Variants in DPP6 observed in about 807,000 individuals in gnomAD.
DPP6 encodes dipeptidyl peptidase like 6, also known as A-type potassium channel modulatory protein DPP6.
Under a neutral mutation model 122.6 loss-of-function variants are expected in DPP6, and 69 were observed. That is an observed-to-expected ratio of 0.56 (90% CI 0.46 to 0.69). DPP6 has a LOEUF of 0.69. Among genes scored for constraint, DPP6 ranks in the 30% least tolerant of loss-of-function variants. The probability of loss-of-function intolerance (pLI) is 0.00; values close to 1 mark genes in which losing one functional copy is unlikely to be tolerated. For synonymous variants in DPP6, 418 were observed against 433.1 expected (o/e 0.97, Z 0.43); for missense variants, 928 against 1,116.9 (o/e 0.83, Z 2.41).
chr7:154,272,304 A>T (rs186756444), intron 1 of DPP6, among the ~76,000 whole-genome samples: 2 of 152,216 alleles, frequency 1.3e-5, no homozygotes, highest in Admixed American at 1.3e-4. Flanking sequence ...CACTTAGTAC[A>T]TTACCTCAGA....
At chr7:154,225,137 G>A (rs1315834194) in intron 1 of DPP6, among the ~76,000 whole-genome samples, 2 of 152,042 alleles carry the variant, frequency 1.3e-5, no homozygotes, top group Non-Finnish European at 2.9e-5. Flanking sequence ...GTGAGACTCT[G>A]TCTCAAAATA....
intron 5 of DPP6, among the ~76,000 whole-genome samples, chr7:154,619,369 G>GT: frequency 6.6e-6 from 1 of 152,276 alleles, no homozygotes; most frequent in South Asian, 2.1e-4. Flanking sequence ...CATGTTAATG[G>GT]TATCTAGGTT....
chr7:154,060,598 C>T lies in DPP6; in HGVS notation c.243+7535C>T, dbSNP rs1163344131. ...TACGTGGGATTACTGAGAGCCAGTC[C>T]CTCTTCCCCCCCCTGGCTCTGAGGA... On this transcript the variant is annotated intron_variant, in intron 1 of 25. Coordinates refer to ENST00000377770, the MANE Select transcript of DPP6 (RefSeq NM_130797.4). Among the ~76,000 whole-genome samples the T allele has an allele frequency of 3.6e-3, 469 of 129,478 alleles. 3 individuals are homozygous for T. Among genetic ancestry groups the T allele is most frequent in the East Asian group, 6.8e-3 (29 of 4,270 alleles). The allele number at this position is 129,478 out of a possible 152,430, so 84.9% of individuals were successfully genotyped here. A position where few individuals can be genotyped will look rare whatever the true frequency, so the allele number is the denominator to read the frequency against.
chr7:154,469,237 G>A (rs1822051699), intron 2 of DPP6, among the ~76,000 whole-genome samples: 1 of 152,162 alleles, frequency 6.6e-6, no homozygotes, highest in South Asian at 2.1e-4. Context: ...GGTACTGACT[G>A]TACATTTTCT....
At chr7:154,274,989 C>T (rs115617228) in intron 1 of DPP6, among the ~76,000 whole-genome samples, 1 of 152,390 alleles carries the variant, frequency 6.6e-6, no homozygotes, top group African/African-American at 2.4e-5. Context: ...GGCACAGGCT[C>T]TGCCCCCATG....
chr7:154,328,448 T>G (rs1459221735), intron 1 of DPP6, among the ~76,000 whole-genome samples: 3 of 152,172 alleles, frequency 2.0e-5, no homozygotes, highest in African/African-American at 7.2e-5. Context: ...TTATGGATGA[T>G]GTTCATGTAA....
At chr7:154,035,243 G>A (rs984488513) in intron 1 of DPP6, among the ~76,000 whole-genome samples, 2 of 152,180 alleles carry the variant, frequency 1.3e-5, no homozygotes, top group African/African-American at 4.8e-5. Flanking sequence ...AGGGCGTGAA[G>A]GCTCCGTTCG....
chr7:154,842,643 G>A (rs1277355814), intron 16 of DPP6, among the ~76,000 whole-genome samples: 1 of 152,046 alleles, frequency 6.6e-6, no homozygotes, highest in Non-Finnish European at 1.5e-5. Flanking sequence ...GACCTTATAT[G>A]TGGGTTGTGA....
chr7:154,504,031 G>GT, intron 3 of DPP6, among the ~76,000 whole-genome samples: 1 of 152,208 alleles, frequency 6.6e-6, no homozygotes, highest in Admixed American at 6.5e-5. Context: ...TTAGCTGAAT[G>GT]ATCCCTGCTT....
rs1034149673 is a variant in DPP6 at position 154,210,404 on chromosome 7, T to C, written c.243+157341T>C. ...TGAACTCTGGGGCCAGGCTGCAGAA[T>C]TGAGTGCCAGCTTTTCTTCTTACTA... On this transcript the variant is annotated intron_variant, in intron 1 of 25. Transcript: ENST00000377770. 5.9e-5 allele frequency among the ~76,000 whole-genome samples: 9 copies of C among 152,302 alleles called. No homozygotes were observed. The South Asian group carries it at 6.2e-4, about 11-fold the overall frequency.
intron 1 of DPP6, among the ~76,000 whole-genome samples, chr7:154,268,832 C>G (rs1166614899): frequency 6.6e-6 from 1 of 151,708 alleles, no homozygotes; most frequent in Non-Finnish European, 1.5e-5. Context: ...GATTTTTAAT[C>G]TCACAAAACT....
chr7:153,978,824 T>C (rs889898501), intron 1 of DPP6, among the ~76,000 whole-genome samples: 1 of 152,110 alleles, frequency 6.6e-6, no homozygotes, highest in Non-Finnish European at 1.5e-5. Context: ...CCATTGCTTG[T>C]TTTTGTTAGG....
the DPP6 span, among the ~76,000 whole-genome samples, chr7:153,808,443 G>A: frequency 8.7e-5 from 13 of 150,276 alleles, no homozygotes; most frequent in African/African-American, 2.7e-4. Flanking sequence ...GTGTGTGTGC[G>A]TGTGTGTGTG....
the DPP6 span, among the ~76,000 whole-genome samples, chr7:153,833,315 T>C: frequency 1.2e-4 from 18 of 152,198 alleles, no homozygotes; most frequent in Non-Finnish European, 5.9e-5. Flanking sequence ...CGTAATCCTC[T>C]TTTTGTATAG....
At chr7:153,991,338 G>A (rs1563081280) in intron 1 of DPP6, among the ~76,000 whole-genome samples, 1 of 152,050 alleles carries the variant, frequency 6.6e-6, no homozygotes, top group Non-Finnish European at 1.5e-5. Context: ...AAGAAAAATA[G>A]GGAAGAAACC....
At chr7:154,610,439 A>G (rs1780947309) in intron 5 of DPP6, among the ~76,000 whole-genome samples, 1 of 152,196 alleles carries the variant, frequency 6.6e-6, no homozygotes, top group Admixed American at 6.5e-5. Context: ...AAGCAAGGAG[A>G]GAGCAGAGAA....
intron 1 of DPP6, among the ~76,000 whole-genome samples, chr7:154,023,318 G>GCACGCACGCACACACACACACACACA (rs373378162): frequency 1.5e-5 from 2 of 129,528 alleles, no homozygotes; most frequent in African/African-American, 6.4e-5. Context: ...TTTCTTGTCT[G>GCACGCACGCACACACACACACACACA]CACACACACA....
At chr7:154,396,901 C>T (rs751232257) in intron 1 of DPP6, among the ~76,000 whole-genome samples, 22 of 152,152 alleles carry the variant, frequency 1.4e-4, no homozygotes, top group Non-Finnish European at 2.5e-4. Context: ...GCTGGGATCG[C>T]GCCACTGCGC....
rs373863374 is a variant in DPP6, at chr7:154,475,068, C to T, written c.457+31C>T. 1.5e-5 allele frequency: 23 copies of T among 1,534,154 alleles called. No individual in the cohort carries two copies. In the Admixed American group the frequency reaches 1.8e-4, roughly 12 times the overall value. ...TCCAGGTCCTTCGTGCACAAGACAT[C>T]GCTTCCCCATGCCTCACCCCCACTT... On this transcript the variant is annotated intron_variant, in intron 3 of 25. Coordinates refer to ENST00000377770, the MANE Select transcript of DPP6 (RefSeq NM_130797.4).
Sources: gnomAD v4.1 joint callset for allele counts (sites outside exome capture counted in the v4.1 genomes callset) on GRCh38, gnomAD v4.1.1 for gene constraint, MANE v1.5 for transcripts, NCBI Gene and HGNC (gene_info 2026-07-23, HGNC 2026-07-21) for gene names.